Variants in TMEM132C observed in about 807,000 individuals in gnomAD.
TMEM132C encodes the protein protein phosphatase 1, regulatory subunit 152.
A neutral mutation model predicts 61.4 loss-of-function variants in TMEM132C; 29 were observed. The ratio of observed to expected loss-of-function variants is 0.47; its 90% CI spans 0.35 to 0.64. The LOEUF is 0.64. TMEM132C is among the 30% of genes least tolerant of loss of function. The pLI is 0.00. For synonymous variants in TMEM132C, 656 were observed against 633.1 expected (o/e 1.04, Z -0.54); for missense variants, 1,408 against 1,476.9 (o/e 0.95, Z 0.76).
At chr12:128,373,085 C>T (rs1461842375) in intron 1 of TMEM132C, among the ~76,000 whole-genome samples, 4 of 152,148 alleles carry the variant, frequency 2.6e-5, no homozygotes, top group African/African-American at 9.7e-5. Context: ...CATATAATTG[C>T]CTTTAACAGC....
At chr12:128,531,562 C>T (rs1335147559) in intron 2 of TMEM132C, among the ~76,000 whole-genome samples, 2 of 152,206 alleles carry the variant, frequency 1.3e-5, no homozygotes, top group African/African-American at 4.8e-5. Context: ...CACACATAAC[C>T]ACAGGTGAAG....
In TMEM132C at chr12:128,574,117, G is replaced by C. The variant is rs372988855; in HGVS notation, c.1121+30014G>C. Among the ~76,000 whole-genome samples the C allele has an allele frequency of 1.3e-4, 20 of 152,298 alleles. No individual in the cohort carries two copies. In the East Asian group the frequency reaches 3.1e-3, roughly 24 times the overall value. ...ATTTGGAACCCACATGCTCTCCACA[G>C]CTGGGCCCTGGGCCAGAACGCCACT... is the stretch of plus-strand genomic sequence containing the variant. On this transcript the variant is annotated intron_variant, in intron 3 of 8. Coordinates refer to ENST00000435159, the MANE Select transcript of TMEM132C (RefSeq NM_001136103.3).
At chr12:128,479,145 A>G (rs561940196) in intron 2 of TMEM132C, among the ~76,000 whole-genome samples, 6 of 152,326 alleles carry the variant, frequency 3.9e-5, no homozygotes, top group Non-Finnish European at 7.3e-5. Context: ...GTTCTCACTT[A>G]TAAGTGGGAG....
At chr12:128,445,315 G>A (rs1441596149) in intron 2 of TMEM132C, among the ~76,000 whole-genome samples, 1 of 152,144 alleles carries the variant, frequency 6.6e-6, no homozygotes, top group African/African-American at 2.4e-5. Flanking sequence ...TAAAAGAGAG[G>A]GTGCTATTTA....
In TMEM132C at chr12:128,696,025, G is replaced by C; in HGVS notation, c.1851G>C (p.Lys617Asn). ...CTCACCTGGTGGCAGACTTCATGAA[G>C]CTGGAGGAACCTCACGTGGCCACCC... ...DITHLVADFM[K>N]LEEPHVATLQ... Residue 617 changes from lysine to asparagine, a missense_variant, in exon 7 of 9, where the codon AAG becomes AAC. Transcript: ENST00000435159. The C allele has an allele frequency of 6.4e-7, 1 of 1,551,768 alleles. No homozygotes were observed. The highest frequency in any genetic ancestry group is 8.7e-7 in the Non-Finnish European group (1 of 1,147,008).
intron 3 of TMEM132C, among the ~76,000 whole-genome samples, chr12:128,610,107 G>A (rs1007141356): frequency 2.0e-5 from 3 of 152,224 alleles, no homozygotes; most frequent in Non-Finnish European, 4.4e-5. Flanking sequence ...GGGTCAATGA[G>A]ACTTTCTAAG....
intron 1 of TMEM132C, among the ~76,000 whole-genome samples, chr12:128,330,124 C>T (rs933527285): frequency 5.9e-5 from 9 of 152,114 alleles, no homozygotes; most frequent in Non-Finnish European, 1.3e-4. Context: ...TCACTGCCAC[C>T]GCCCACAGGT....
chr12:128,634,722 G>A (rs1195375982), intron 4 of TMEM132C, among the ~76,000 whole-genome samples: 1 of 152,210 alleles, frequency 6.6e-6, no homozygotes, highest in Non-Finnish European at 1.5e-5. Flanking sequence ...CTTCGTTACA[G>A]AGAAACAGAC....
intron 1 of TMEM132C, among the ~76,000 whole-genome samples, chr12:128,385,513 C>G (rs1593034197): frequency 6.6e-6 from 1 of 152,298 alleles, no homozygotes; most frequent in East Asian, 1.9e-4. Context: ...TCCTTTTGCC[C>G]CTAAAATGTT....
At chr12:128,538,886 G>A (rs1051094357) in intron 2 of TMEM132C, among the ~76,000 whole-genome samples, 1 of 152,066 alleles carries the variant, frequency 6.6e-6, no homozygotes, top group Non-Finnish European at 1.5e-5. Flanking sequence ...ATAAGTACAT[G>A]TGCTAATCAC....
At chr12:128,437,944 T>A (rs1156865082) in intron 2 of TMEM132C, 1 of 152,208 alleles carries the variant, frequency 6.6e-6, no homozygotes, top group African/African-American at 2.4e-5. Context: ...ATTGACATTG[T>A]GTTCTAGGAA....
intron 1 of TMEM132C, among the ~76,000 whole-genome samples, chr12:128,360,360 G>A (rs1018745936): frequency 6.6e-6 from 1 of 152,094 alleles, no homozygotes. Flanking sequence ...TTTAGATGAT[G>A]ATAGAAATAT....
intron 3 of TMEM132C, among the ~76,000 whole-genome samples, chr12:128,565,419 T>C (rs890558286): frequency 1.3e-5 from 2 of 152,252 alleles, no homozygotes; most frequent in Non-Finnish European, 2.9e-5. Flanking sequence ...CCACAGATTT[T>C]AGGGTAAACT....
At chr12:128,506,951 T>G (rs1872383699) in intron 2 of TMEM132C, among the ~76,000 whole-genome samples, 1 of 152,148 alleles carries the variant, frequency 6.6e-6, no homozygotes, top group Admixed American at 6.5e-5. Flanking sequence ...TCTTCAGCAT[T>G]GTGAACTAGT....
chr12:128,598,900 C>G (rs1876067578), intron 3 of TMEM132C, among the ~76,000 whole-genome samples: 3 of 152,046 alleles, frequency 2.0e-5, no homozygotes, highest in Admixed American at 1.3e-4. Flanking sequence ...TCCACAGTGG[C>G]TTGTCTAGTT....
chr12:128,322,087 G>A lies in TMEM132C; in HGVS notation c.85+54600G>A, dbSNP rs369389459. The stretch of plus-strand genomic sequence containing the variant: ...AACTATTTTCCGTCCTCTCGAACCT[G>A]AGATGTTTTGTGACTTATCTGATGA... On this transcript the variant is annotated intron_variant, in intron 1 of 8. Transcript: ENST00000435159. Among the ~76,000 whole-genome samples, 18 of 152,348 alleles carry A rather than the reference G, an allele frequency of 1.2e-4. No individual in the cohort carries two copies. The South Asian group carries it at 3.5e-3, about 30-fold the overall frequency.
At chr12:128,356,980 C>T (rs999640211) in intron 1 of TMEM132C, among the ~76,000 whole-genome samples, 1 of 152,156 alleles carries the variant, frequency 6.6e-6, no homozygotes, top group African/African-American at 2.4e-5. Context: ...TTTTCTATTT[C>T]TCGCTCTCTC....
chr12:128,680,693 C>T (rs185784138), intron 5 of TMEM132C, among the ~76,000 whole-genome samples: 47 of 152,256 alleles, frequency 3.1e-4, no homozygotes, highest in Non-Finnish European at 1.8e-4. Flanking sequence ...CACATTCGTT[C>T]CTAGGAAAGG....
intron 3 of TMEM132C, among the ~76,000 whole-genome samples, chr12:128,580,766 G>A (rs575599966): frequency 5.6e-4 from 85 of 152,232 alleles, no homozygotes; most frequent in African/African-American, 2.0e-3. Context: ...GCCCGCTCGC[G>A]CCAGCTTGCT....
Sources: gnomAD v4.1 joint callset for allele counts (sites outside exome capture counted in the v4.1 genomes callset) on GRCh38, gnomAD v4.1.1 for gene constraint, MANE v1.5 for transcripts, NCBI Gene and HGNC (gene_info 2026-07-23, HGNC 2026-07-21) for gene names.